Variants in BRINP3 observed in about 807,000 individuals in gnomAD.
The protein encoded by BRINP3 is BMP/retinoic acid inducible neural specific 3.
Under a neutral mutation model 71.0 loss-of-function variants are expected in BRINP3, and 19 were observed. The ratio of observed to expected loss-of-function variants is 0.27; its 90% CI spans 0.19 to 0.39. The LOEUF (loss-of-function observed/expected upper bound fraction) is 0.39, where lower values mean the gene tolerates loss of function less well. Ranked by LOEUF, BRINP3 falls within the 10% of genes least tolerant of loss-of-function variation. BRINP3 has a pLI of 1.00. For missense variants in BRINP3, 959 were observed against 940.8 expected, an observed-to-expected ratio of 1.02 and a Z score of -0.25; for synonymous variants, 380 against 337.7, an observed-to-expected ratio of 1.13 and a Z score of -1.37.
intron 6 of BRINP3, among the ~76,000 whole-genome samples, chr1:190,210,225 G>A (rs996361244): frequency 2.6e-5 from 4 of 152,000 alleles, no homozygotes; most frequent in African/African-American, 9.7e-5. Context: ...ACACAATTTA[G>A]TGAAGTCATC....
chr1:190,452,271 A>G (rs976220390), intron 2 of BRINP3, among the ~76,000 whole-genome samples: 59 of 152,316 alleles, frequency 3.9e-4, no homozygotes, highest in African/African-American at 1.3e-3. Context: ...TATAGCAACT[A>G]TCAATAACCG....
At chr1:190,391,497 T>C (rs1671248432) in intron 2 of BRINP3, among the ~76,000 whole-genome samples, 1 of 151,832 alleles carries the variant, frequency 6.6e-6, no homozygotes, top group Admixed American at 6.6e-5. Context: ...TCATGATAGA[T>C]GTCCAGTCTT....
chr1:190,396,868 G>T (rs1237385196), intron 2 of BRINP3, among the ~76,000 whole-genome samples: 1 of 130,964 alleles, frequency 7.6e-6, no homozygotes, highest in African/African-American at 2.8e-5. Flanking sequence ...GTACAGTCAG[G>T]TAAACATAGT....
At position 190,359,930 on chromosome 1, in the gene BRINP3, A is replaced by G. The variant is rs1669022342; in HGVS notation, c.237-78180T>C. On this transcript the variant is annotated intron_variant, in intron 2 of 7. Coordinates refer to ENST00000367462, the MANE Select transcript of BRINP3 (RefSeq NM_199051.3). ...GGCTAAACTCTTTTCACCTCCTAAT[A>G]TATGTGTGCGGGTGACATACAAGCT... 1.3e-5 allele frequency among the ~76,000 whole-genome samples: 2 copies of G among 152,088 alleles called. 1 individual carries two copies. Among genetic ancestry groups the G allele is most frequent in the South Asian group, 4.1e-4 (2 of 4,832 alleles).
intron 2 of BRINP3, among the ~76,000 whole-genome samples, chr1:190,284,838 T>C (rs1223993669): frequency 1.3e-5 from 2 of 152,062 alleles, no homozygotes; most frequent in Admixed American, 6.6e-5. Flanking sequence ...ATAATTATAG[T>C]TATTGTTAAT....
chr1:190,123,747 A>T (rs1414268664), intron 7 of BRINP3, among the ~76,000 whole-genome samples: 2 of 152,166 alleles, frequency 1.3e-5, no homozygotes, highest in African/African-American at 4.8e-5. Context: ...TTTTCATTGC[A>T]AAAGTTCCAG....
intron 6 of BRINP3, among the ~76,000 whole-genome samples, chr1:190,196,137 C>A (rs1654457543): frequency 6.6e-6 from 1 of 152,088 alleles, no homozygotes; most frequent in African/African-American, 2.4e-5. Flanking sequence ...CAGACATTGC[C>A]ATCAATCACT....
chr1:190,310,720 A>T (rs948477515), intron 2 of BRINP3, among the ~76,000 whole-genome samples: 2 of 151,762 alleles, frequency 1.3e-5, no homozygotes, highest in African/African-American at 2.4e-5. Context: ...TTATATATTC[A>T]TAGAACAGTT....
intron 7 of BRINP3, among the ~76,000 whole-genome samples, chr1:190,140,547 A>G (rs148878375): frequency 1.3e-3 from 195 of 152,326 alleles, no homozygotes; most frequent in African/African-American, 4.4e-3. Flanking sequence ...GTAAACTTTT[A>G]TATTAATACA....
chr1:190,134,453 CA>C (rs1185518885), intron 7 of BRINP3, among the ~76,000 whole-genome samples: 1 of 151,746 alleles, frequency 6.6e-6, no homozygotes, highest in East Asian at 1.9e-4. Flanking sequence ...ATAGGTTTTA[CA>C]AAATAAACAT....
chr1:190,383,470 C>T (rs1029407419), intron 2 of BRINP3, among the ~76,000 whole-genome samples: 1 of 151,940 alleles, frequency 6.6e-6, no homozygotes, highest in Admixed American at 6.6e-5. Flanking sequence ...ACCCTTGTTC[C>T]CTAAAAATTT....
At chr1:190,190,714 T>C (rs1480985219) in intron 6 of BRINP3, among the ~76,000 whole-genome samples, 1 of 152,140 alleles carries the variant, frequency 6.6e-6, no homozygotes, top group Non-Finnish European at 1.5e-5. Context: ...AGTGTTTTTT[T>C]TTGAAATAAA....
chr1:190,344,999 C>CA (rs200009519), intron 2 of BRINP3, among the ~76,000 whole-genome samples: 2 of 151,602 alleles, frequency 1.3e-5, no homozygotes, highest in East Asian at 1.9e-4. Flanking sequence ...CGTACATTGT[C>CA]AAAAAAACTG....
At position 190,234,366 on chromosome 1, in the gene BRINP3, A is replaced by T; in HGVS notation, c.724+6T>A. ...GTAGAGAATTAATGAAATTTTACCA[A>T]CATACCTTGCAACTGAATCTTATTC... On this transcript the variant is annotated splice_donor_region_variant and intron_variant, in intron 5 of 7. Transcript: ENST00000367462. The T allele has an allele frequency of 6.3e-7, 1 of 1,599,450 alleles. No homozygotes were observed. The highest frequency in any genetic ancestry group is 8.6e-7 in the Non-Finnish European group (1 of 1,169,182).
In BRINP3 at chr1:190,264,860, C is replaced by G. The variant is rs961690359; in HGVS notation, c.618+5G>C. ...GTGATAATTTTAGCGTAAACTCATT[C>G]TTACCTTTATGGCAGTGGATGCAAT... On this transcript the variant is annotated splice_donor_5th_base_variant and intron_variant, in intron 4 of 7. Coordinates refer to ENST00000367462, the MANE Select transcript of BRINP3 (RefSeq NM_199051.3). 1.2e-6 allele frequency: 2 copies of G among 1,611,348 alleles called. No homozygotes were observed. The highest frequency in any genetic ancestry group is 2.2e-5 in the East Asian group (1 of 44,596).
chr1:190,332,258 G>A (rs1667013021), intron 2 of BRINP3, among the ~76,000 whole-genome samples: 1 of 152,042 alleles, frequency 6.6e-6, no homozygotes, highest in South Asian at 2.1e-4. Context: ...CTGATAGAAA[G>A]TAGGAATATG....
At chr1:190,239,987 T>A (rs1170623602) in intron 4 of BRINP3, among the ~76,000 whole-genome samples, 1 of 148,030 alleles carries the variant, frequency 6.8e-6, no homozygotes, top group Non-Finnish European at 1.5e-5. Flanking sequence ...GAATACGTCA[T>A]TTTTTTTTTA....
intron 7 of BRINP3, among the ~76,000 whole-genome samples, chr1:190,153,680 C>G (rs1436164566): frequency 6.6e-6 from 1 of 152,116 alleles, no homozygotes; most frequent in African/African-American, 2.4e-5. Context: ...CAATTTTTAA[C>G]TAAATCATAG....
At chr1:190,390,129 A>C (rs985582874) in intron 2 of BRINP3, among the ~76,000 whole-genome samples, 1 of 151,764 alleles carries the variant, frequency 6.6e-6, no homozygotes, top group Non-Finnish European at 1.5e-5. Flanking sequence ...CCAGTGAACA[A>C]TTACAGCAGG....
Sources: allele counts gnomAD v4.1 joint callset (sites outside exome capture counted in the v4.1 genomes callset), GRCh38; gene constraint gnomAD v4.1.1; transcripts MANE v1.5; gene names NCBI Gene and HGNC (gene_info 2026-07-23, HGNC 2026-07-21).